The following TIPIN variants were observed in gnomAD, a reference collection of about 807,000 sequenced individuals.
TIPIN encodes TIMELESS-interacting protein.
Under a neutral mutation model 35.6 loss-of-function variants are expected in TIPIN, and 29 were observed. The observed-to-expected ratio is 0.82, with a 90% CI of 0.61 to 1.11. The LOEUF (loss-of-function observed/expected upper bound fraction) is 1.11. Among genes scored for constraint, TIPIN ranks in the 50% most tolerant of loss-of-function variants. The pLI is 0.00. For synonymous variants in TIPIN, 102 were observed against 121.5 expected (o/e 0.84, Z 1.06); for missense variants, 296 against 345.4 (o/e 0.86, Z 1.13).
At chr15:66,375,161 C>T (rs1015481253) in intron 1 of TIPIN, among the ~76,000 whole-genome samples, 7 of 152,072 alleles carry the variant, frequency 4.6e-5, no homozygotes, top group Admixed American at 2.0e-4. Flanking sequence ...TGTCCATAAT[C>T]CCAGCTACTC....
intron 1 of TIPIN, chr15:66,379,187 C>A (rs1255078602): frequency 4.5e-6 from 5 of 1,109,758 alleles, no homozygotes; most frequent in South Asian, 1.7e-5. Context: ...CTGTGCCTGG[C>A]CTTGATTGCA....
chr15:66,378,373 G>T (rs2093305397), intron 1 of TIPIN, among the ~76,000 whole-genome samples: 1 of 152,082 alleles, frequency 6.6e-6, no homozygotes, highest in Non-Finnish European at 1.5e-5. Flanking sequence ...CTGACCTCGT[G>T]ATCTGCCTTC....
intron 7 of TIPIN, among the ~76,000 whole-genome samples, chr15:66,339,901 GCT>G (rs1172254624): frequency 4.0e-5 from 6 of 150,056 alleles, no homozygotes; most frequent in Admixed American, 4.0e-4. Flanking sequence ...ACGGAGTCTT[GCT>G]CTGTCACCCA....
chr15:66,344,881 A>G (rs1174240764), intron 6 of TIPIN, among the ~76,000 whole-genome samples: 2 of 152,188 alleles, frequency 1.3e-5, no homozygotes, highest in East Asian at 3.8e-4. Context: ...AGAAATAAGT[A>G]AATAAAAATG....
At chr15:66,350,064 C>T (rs569871358) in intron 4 of TIPIN, among the ~76,000 whole-genome samples, 1 of 151,998 alleles carries the variant, frequency 6.6e-6, no homozygotes, top group Non-Finnish European at 1.5e-5. Flanking sequence ...CGGGTTTAAG[C>T]AATTCTCATG....
intron 1 of TIPIN, among the ~76,000 whole-genome samples, chr15:66,379,046 G>A (rs775021819): frequency 6.6e-6 from 1 of 151,860 alleles, no homozygotes; most frequent in African/African-American, 2.4e-5. Context: ...GGCATGAGCC[G>A]CCGTGCACAA....
At chr15:66,371,234 C>G (rs2093276642) in intron 1 of TIPIN, 1 of 981,990 alleles carries the variant, frequency 1.0e-6, no homozygotes, top group South Asian at 4.7e-5. Flanking sequence ...GTAAGTGTAT[C>G]AAGCTTTCTA....
chr15:66,370,460 G>A (rs1387698082), intron 1 of TIPIN, among the ~76,000 whole-genome samples: 6 of 151,006 alleles, frequency 4.0e-5, no homozygotes, highest in Non-Finnish European at 8.8e-5. Context: ...GGAAGCGGAT[G>A]TCCTTGGTGG....
chr15:66,379,380 A>C, intron 1 of TIPIN: 2 of 1,599,116 alleles, frequency 1.3e-6, no homozygotes, highest in South Asian at 2.2e-5. Flanking sequence ...AGAGACATAG[A>C]TACCATTCAA....
intron 1 of TIPIN, among the ~76,000 whole-genome samples, chr15:66,380,757 G>T (rs768184503): frequency 9.9e-5 from 15 of 152,118 alleles, no homozygotes; most frequent in Non-Finnish European, 1.9e-4. Flanking sequence ...GTAGGTTGCA[G>T]TGAGCCCCAA....
chr15:66,364,139 A>G (rs1411869506), intron 1 of TIPIN, among the ~76,000 whole-genome samples: 1 of 149,524 alleles, frequency 6.7e-6, no homozygotes, highest in Non-Finnish European at 1.5e-5. Context: ...TCAACATGCT[A>G]TAGAGAAATC....
exon 1 of TIPIN, chr15:66,386,653 A>G: frequency 5.7e-6 from 1 of 176,070 alleles, no homozygotes; most frequent in Non-Finnish European, 1.2e-5. Flanking sequence ...AGCTCACCAC[A>G]CAGCGACACA....
intron 1 of TIPIN, among the ~76,000 whole-genome samples, chr15:66,374,040 A>T (rs2093287122): frequency 6.6e-6 from 1 of 152,218 alleles, no homozygotes; most frequent in African/African-American, 2.4e-5. Flanking sequence ...TGGACGTAGT[A>T]TCACACTGTG....
chr15:66,379,950 A>G, intron 1 of TIPIN: 1 of 899,946 alleles, frequency 1.1e-6, no homozygotes, highest in African/African-American at 1.7e-5. Flanking sequence ...CCTGGAATTT[A>G]TTATAGGATA....
Position 66,341,184 on chromosome 15 carries a change from T to C in TIPIN, c.648A>G (p.Ala216=), listed in dbSNP as rs755829376. 5.0e-6 allele frequency: 8 copies of C among 1,612,212 alleles called. 1 individual carries two copies. The Admixed American group carries it at 1.2e-4, about 24-fold the overall frequency. The change falls in exon 7 of 8, where the codon GCA becomes GCG. Residue 216 remains alanine (A), a synonymous_variant. Coordinates refer to ENST00000261881, the MANE Select transcript of TIPIN (RefSeq NM_017858.3). ...NKQLALERRQ[A]KLLSNSQTLG... is the part of the protein sequence containing the mutation. ...GGGTCTGACTATTACTCAGCAGCTT[T>C]GCCTGCCTTCTTTCCAAGGCCAGTT...
In TIPIN at chr15:66,337,781, A is replaced by AT. The variant is rs1491582149; in HGVS notation, c.683-601_683-600insA. ...AACAAAACATCAAAAAAAATAAAAT[A>AT]AAAAAAAAAATAATTAGCTGGCTAT... On this transcript the variant is annotated intron_variant, in intron 7 of 7. Coordinates refer to ENST00000261881, the MANE Select transcript of TIPIN (RefSeq NM_017858.3). Among the ~76,000 whole-genome samples the AT allele has an allele frequency of 9.2e-3, 578 of 62,886 alleles. 6 individuals carry two copies. The highest frequency in any genetic ancestry group is 0.025 in the African/African-American group (550 of 21,854). The allele number at this position is 62,886 out of a possible 152,430, so 41.3% of individuals were successfully genotyped here.
Position 66,379,912 on chromosome 15 carries a change from T to G in TIPIN, c.-9+6695A>C, listed in dbSNP as rs2093311798. On this transcript the variant is annotated intron_variant, in intron 1 of 7. Transcript: ENST00000562124. Reference sequence around the variant, plus strand: ...ACAGTCTGATTAATGAGAATGGTCTTCACTCTCGCAGTACACACGGCAAAG... The same window carrying G: ...ACAGTCTGATTAATGAGAATGGTCTGCACTCTCGCAGTACACACGGCAAAG... The G allele has an allele frequency of 2.7e-6, 4 of 1,489,764 alleles. No individual in the cohort carries two copies. In the South Asian group the frequency reaches 4.6e-5, roughly 17 times the overall value. 92.3% of individuals were successfully genotyped at this position (1,489,764 alleles called of 1,614,324 possible).
At chr15:66,359,308 T>C (rs547433150), upstream of TIPIN, among the ~76,000 whole-genome samples, 1 of 152,254 alleles carries the variant, frequency 6.6e-6, no homozygotes, top group African/African-American at 2.4e-5. Context: ...TGAGATAATA[T>C]ATATTAATAT....
intron 1 of TIPIN, chr15:66,379,402 T>C: frequency 6.2e-7 from 1 of 1,601,624 alleles, no homozygotes; most frequent in East Asian, 2.2e-5. Flanking sequence ...AATTTCCTGA[T>C]ATCCTTGTTT....
Sources: gnomAD v4.1 joint callset for allele counts (sites outside exome capture counted in the v4.1 genomes callset) on GRCh38, gnomAD v4.1.1 for gene constraint, MANE v1.5 for transcripts, NCBI Gene and HGNC (gene_info 2026-07-23, HGNC 2026-07-21) for gene names.